WASHC2C: variants seen among roughly 807,000 people sequenced by gnomAD.
WASHC2C encodes Vaccinia Penetration Factor.
In WASHC2C, 73 loss-of-function variants were observed where a neutral mutation model predicts 142.2. The observed-to-expected ratio is 0.51, with a 90% CI of 0.43 to 0.62. The LOEUF (loss-of-function observed/expected upper bound fraction) is 0.62, where lower values mean the gene tolerates loss of function less well. Among genes scored for constraint, WASHC2C ranks in the 20% least tolerant of loss-of-function variants. The pLI, the probability that WASHC2C is intolerant of heterozygous loss-of-function variation, is 0.00. For missense variants in WASHC2C, 969 were observed against 1,531.7 expected, an observed-to-expected ratio of 0.63 and a Z score of 6.13; for synonymous variants, 337 against 565.5, an observed-to-expected ratio of 0.60 and a Z score of 5.73.
intron 3 of WASHC2C, among the ~76,000 whole-genome samples, chr10:45,730,925 G>A (rs2050499445): frequency 6.6e-6 from 1 of 151,476 alleles, no homozygotes; most frequent in Non-Finnish European, 1.5e-5. Flanking sequence ...GGCAAGGGAA[G>A]TTTACTTTGT....
Position 45,785,620 on chromosome 10 carries a change from G to C in WASHC2C, c.2800G>C (p.Glu934Gln), listed in dbSNP as rs1554889759. 14 of 1,613,738 alleles carry C rather than the reference G, an allele frequency of 8.7e-6. No homozygotes were observed. The highest frequency in any genetic ancestry group is 4.5e-5 in the East Asian group (2 of 44,870). Residue 934 changes from glutamate (E) to glutamine (Q), a missense_variant, in exon 26 of 31, where the codon GAA becomes CAA. By Grantham distance (29) the Glu-to-Gln change is conservative. Coordinates refer to ENST00000623400, the MANE Select transcript of WASHC2C (RefSeq NM_001330074.2). The stretch of plus-strand genomic sequence containing the variant: ...TAAAGAAAAAGGCATATGGAAGCCG[G>C]AAACACCTCAGGTTAGAAATCCTCT... The part of the protein sequence containing the change: ...GSKEKGIWKP[E>Q]TPQDSSGLAP...
chr10:45,736,470 C>T (rs2051290280), intron 3 of WASHC2C, among the ~76,000 whole-genome samples: 2 of 139,456 alleles, frequency 1.4e-5, no homozygotes, highest in African/African-American at 5.4e-5. Context: ...TGTGGTGGTG[C>T]ACGCCTGTAA....
chr10:45,752,397 G>A (rs1435713726), intron 11 of WASHC2C, among the ~76,000 whole-genome samples, 191 bp from the exon 12 acceptor site: 1 of 152,294 alleles, frequency 6.6e-6, no homozygotes, highest in African/African-American at 2.4e-5. Flanking sequence ...GAGGCCCAGA[G>A]AGTCTTTTGA....
chr10:45,730,325 C>A, intron 3 of WASHC2C, among the ~76,000 whole-genome samples: 1 of 138,654 alleles, frequency 7.2e-6, no homozygotes, highest in African/African-American at 2.7e-5. Flanking sequence ...CCAGCCTGGG[C>A]AATAAGAGCG....
At chr10:45,749,271 C>A (rs1304885195) in intron 8 of WASHC2C, among the ~76,000 whole-genome samples, 15 of 151,726 alleles carry the variant, frequency 9.9e-5, no homozygotes, top group Admixed American at 2.0e-4. Flanking sequence ...CCCGTCTCTA[C>A]CAAAAATATA....
intron 30 of WASHC2C, among the ~76,000 whole-genome samples, chr10:45,791,436 T>A (rs2058387641): frequency 1.4e-5 from 2 of 147,834 alleles, no homozygotes; most frequent in East Asian, 3.9e-4. Context: ...TATTAATATA[T>A]GTTTGTGTAC....
intron 2 of WASHC2C, among the ~76,000 whole-genome samples, chr10:45,728,628 C>G (rs1308383056): frequency 6.6e-6 from 1 of 151,460 alleles, no homozygotes; most frequent in Non-Finnish European, 1.5e-5. Flanking sequence ...ATTCCAGCTA[C>G]TCGGGAGGCT....
chr10:45,770,601 G>T (rs1390708956), intron 20 of WASHC2C, among the ~76,000 whole-genome samples: 1 of 152,176 alleles, frequency 6.6e-6, no homozygotes, highest in Non-Finnish European at 1.5e-5. Flanking sequence ...GTGTGGTTAA[G>T]CGTCATTTGA....
chr10:45,761,698 G>A (rs1201069002), intron 17 of WASHC2C, among the ~76,000 whole-genome samples: 2 of 152,178 alleles, frequency 1.3e-5, no homozygotes, highest in African/African-American at 4.8e-5. Context: ...CATATTTGAG[G>A]TAACGGAAGT....
At chr10:45,741,330 T>A (rs2052019277) in intron 5 of WASHC2C, among the ~76,000 whole-genome samples, 2 of 152,176 alleles carry the variant, frequency 1.3e-5, no homozygotes, top group Admixed American at 6.5e-5. Flanking sequence ...TTGAGGCAGA[T>A]CATTTGGCAC....
intron 20 of WASHC2C, among the ~76,000 whole-genome samples, chr10:45,770,648 A>G (rs1207632735): frequency 1.3e-5 from 2 of 152,190 alleles, no homozygotes; most frequent in African/African-American, 2.4e-5. Flanking sequence ...GTCTCCAAAT[A>G]CTCGAATCTT....
At chr10:45,735,518 A>G (rs2051114517) in intron 3 of WASHC2C, among the ~76,000 whole-genome samples, 2 of 152,262 alleles carry the variant, frequency 1.3e-5, no homozygotes, top group Admixed American at 1.3e-4. Context: ...AGCCTCCCAA[A>G]GTGCTGGGAT....
chr10:45,779,138 A>C lies in WASHC2C; in HGVS notation c.2478+3A>C. ...CTCCACAGAAAGAAGTAGGAAAGGT[A>C]AGCAAAAAGCAGTAGTGGTTCAAGT... On this transcript the variant is annotated splice_donor_region_variant and intron_variant, in intron 23 of 30. Transcript: ENST00000623400. The C allele has an allele frequency of 6.2e-7, 1 of 1,611,950 alleles. No homozygotes were observed. The highest frequency in any genetic ancestry group is 8.5e-7 in the Non-Finnish European group (1 of 1,179,840).
At chr10:45,740,901 G>T (rs1335759666) in intron 5 of WASHC2C, among the ~76,000 whole-genome samples, 5 of 87,490 alleles carry the variant, frequency 5.7e-5, no homozygotes, top group South Asian at 3.5e-4. Flanking sequence ...TATAGAAAGA[G>T]GCCTTGTGAC....
Position 45,729,038 on chromosome 10 carries a change from A to C in WASHC2C, c.291+12A>C. On this transcript the variant is annotated intron_variant, in intron 3 of 30. Coordinates refer to ENST00000623400, the MANE Select transcript of WASHC2C (RefSeq NM_001330074.2). ...AGTTCATAGAGAATGTGAGTTATTTAGTTATATTATAATTCCTTTTTTGGG... is the reference window on the plus strand; with the variant it reads ...AGTTCATAGAGAATGTGAGTTATTTCGTTATATTATAATTCCTTTTTTGGG... 6.2e-7 allele frequency: 1 copy of C among 1,607,616 alleles called. No homozygotes were observed. Among genetic ancestry groups the C allele is most frequent in the Non-Finnish European group, 8.5e-7 (1 of 1,177,620 alleles).
intron 2 of WASHC2C, among the ~76,000 whole-genome samples, chr10:45,728,137 C>T (rs1455361507): frequency 1.3e-5 from 2 of 152,140 alleles, no homozygotes; most frequent in African/African-American, 4.8e-5. Context: ...GATCCTCTCA[C>T]CTCAGCGTCC....
intron 17 of WASHC2C, among the ~76,000 whole-genome samples, chr10:45,761,824 T>C (rs1554880107): frequency 1.3e-5 from 2 of 152,228 alleles, no homozygotes; most frequent in African/African-American, 4.8e-5. Context: ...AGCAGAACCC[T>C]TTCTCTTGCC....
intron 8 of WASHC2C, among the ~76,000 whole-genome samples, chr10:45,749,082 C>G (rs1554872694): frequency 6.6e-6 from 1 of 152,102 alleles, no homozygotes; most frequent in African/African-American, 2.4e-5. Context: ...ACTCAGTATT[C>G]TTACTAAGGT....
chr10:45,772,188 A>G lies in WASHC2C; in HGVS notation c.2040-1068A>G, dbSNP rs373573511. On this transcript the variant is annotated intron_variant, in intron 20 of 30. Coordinates refer to ENST00000623400, the MANE Select transcript of WASHC2C (RefSeq NM_001330074.2). Reference sequence around the variant, plus strand: ...ATTGTTCCATTTATATGAAATGTATAGATAAACCACAGAGACAGAAAGTAG... The same window carrying G: ...ATTGTTCCATTTATATGAAATGTATGGATAAACCACAGAGACAGAAAGTAG... Among the ~76,000 whole-genome samples the G allele has an allele frequency of 3.1e-3, 477 of 152,172 alleles. 3 individuals are homozygous for G. In the East Asian group the frequency reaches 0.069, roughly 22 times the overall value.
Sources: gnomAD v4.1 joint callset for allele counts (sites outside exome capture counted in the v4.1 genomes callset) on GRCh38, gnomAD v4.1.1 for gene constraint, MANE v1.5 for transcripts, NCBI Gene and HGNC (gene_info 2026-07-23, HGNC 2026-07-21) for gene names.